The following DOCK9 variants were observed in gnomAD, a reference collection of about 807,000 sequenced individuals.
DOCK9 encodes dedicator of cytokinesis protein 9.
DOCK9 carries 89 observed loss-of-function variants against 263.3 expected under a neutral mutation model. The observed-to-expected ratio is 0.34, with a 90% CI of 0.28 to 0.40. DOCK9 has a LOEUF of 0.40. Among genes scored for constraint, DOCK9 ranks in the 10% least tolerant of loss-of-function variants. The pLI is 1.00. For synonymous variants in DOCK9, 976 were observed against 973.1 expected, an observed-to-expected ratio of 1.00 and a Z score of -0.06; for missense variants, 2,140 against 2,603.4, an observed-to-expected ratio of 0.82 and a Z score of 3.87.
At chr13:98,799,257 C>A (rs187763240) in intron 50 of DOCK9, among the ~76,000 whole-genome samples, 2 of 152,224 alleles carry the variant, frequency 1.3e-5, no homozygotes, top group Non-Finnish European at 2.9e-5. Flanking sequence ...ACCAAAAAAA[C>A]CAAAACCTAT....
At chr13:99,010,747 C>A (rs946599339) in intron 1 of DOCK9, among the ~76,000 whole-genome samples, 2 of 152,216 alleles carry the variant, frequency 1.3e-5, no homozygotes, top group South Asian at 4.1e-4. Context: ...CACCATATGG[C>A]TGATTCACTG....
At chr13:99,001,946 A>G (rs1437961420) in intron 1 of DOCK9, among the ~76,000 whole-genome samples, 1 of 152,194 alleles carries the variant, frequency 6.6e-6, no homozygotes, top group Non-Finnish European at 1.5e-5. Context: ...ACTCAAACTT[A>G]GCAAGACCAA....
intron 45 of DOCK9, among the ~76,000 whole-genome samples, chr13:98,812,265 C>T (rs2091381935): frequency 6.7e-6 from 1 of 148,536 alleles, no homozygotes; most frequent in African/African-American, 2.5e-5. Flanking sequence ...CTGCCAAGCA[C>T]CTTAGAAAAA....
In DOCK9 at chr13:98,825,384, G is replaced by A. The variant is rs180974971; in HGVS notation, c.5024-880C>T. On this transcript the variant is annotated intron_variant, in intron 44 of 52. Transcript: ENST00000682017. The surrounding 1 kb of genome is among the most constrained non-coding windows in gnomAD (Gnocchi z 4.1). ...GAATTGAGACTTCTACATTTAGGGA[G>A]AAAGAGGAACACAGGGTATTCTGAA... Among the ~76,000 whole-genome samples the A allele has an allele frequency of 6.1e-4, 93 of 152,322 alleles. No individual in the cohort carries two copies. Among genetic ancestry groups the A allele is most frequent in the Middle Eastern group, 6.8e-3 (2 of 294 alleles).
intron 4 of DOCK9, 141 bp from the exon 5 acceptor site, chr13:98,923,512 A>T: frequency 1.5e-6 from 1 of 679,034 alleles, no homozygotes; most frequent in Non-Finnish European, 2.5e-6. Flanking sequence ...GAATAAAACC[A>T]TCTATGCCCT....
intron 9 of DOCK9, among the ~76,000 whole-genome samples, chr13:98,905,572 T>A (rs1004056123): frequency 7.3e-5 from 11 of 151,610 alleles, no homozygotes; most frequent in African/African-American, 2.7e-4. Flanking sequence ...TCATCATAAC[T>A]GAAAGGCAGG....
intron 39 of DOCK9, among the ~76,000 whole-genome samples, chr13:98,836,553 G>A (rs1045901895): frequency 2.0e-5 from 3 of 152,080 alleles, no homozygotes; most frequent in African/African-American, 7.2e-5. Context: ...CACTCTGAGA[G>A]CCCCTGTAGT....
chr13:98,794,387 C>A lies in DOCK9; in HGVS notation c.*239G>T. 1 of 537,128 alleles carries A rather than the reference C, an allele frequency of 1.9e-6. No homozygotes were observed. Among genetic ancestry groups the A allele is most frequent in the Non-Finnish European group, 3.3e-6 (1 of 307,146 alleles). The allele number at this position is 537,128 out of a possible 1,614,324, so 33.3% of individuals were successfully genotyped here. A position where few individuals can be genotyped will look rare whatever the true frequency, so the allele number is the denominator to read the frequency against. ...AAGTCCAGCTCAAGAGTGTCTACCACACCTTTGTTAAGACACAATGAAAAC... is the reference window on the plus strand; with the variant it reads ...AAGTCCAGCTCAAGAGTGTCTACCAAACCTTTGTTAAGACACAATGAAAAC... On this transcript the variant is annotated 3_prime_UTR_variant, in exon 53 of 53. Coordinates refer to ENST00000682017, the MANE Select transcript of DOCK9 (RefSeq NM_001366683.2).
At chr13:98,870,327 C>T (rs890794985) in intron 27 of DOCK9, among the ~76,000 whole-genome samples, 25 of 152,128 alleles carry the variant, frequency 1.6e-4, no homozygotes, top group African/African-American at 6.0e-4. Flanking sequence ...GTGAAGCTCA[C>T]CAACTTTAAA....
intron 25 of DOCK9, among the ~76,000 whole-genome samples, chr13:98,881,219 T>C (rs1418343879): frequency 6.6e-6 from 1 of 151,742 alleles, no homozygotes; most frequent in Non-Finnish European, 1.5e-5. Flanking sequence ...CTGGAAAGTT[T>C]AGATGGAAAG....
intron 3 of DOCK9, among the ~76,000 whole-genome samples, chr13:98,928,124 C>G (rs2053335544): frequency 1.3e-5 from 2 of 151,938 alleles, no homozygotes; most frequent in Admixed American, 1.3e-4. Flanking sequence ...AATTCCAAAG[C>G]AGAAGCACAG....
At chr13:98,918,937 A>G (rs1175177068) in intron 7 of DOCK9, among the ~76,000 whole-genome samples, 29 of 152,146 alleles carry the variant, frequency 1.9e-4, no homozygotes, top group Non-Finnish European at 4.4e-5. Context: ...GGGTGCCAGG[A>G]GCTAAAATCC....
chr13:98,882,137 T>C, intron 23 of DOCK9, 130 bp from the exon 24 acceptor site: 2 of 760,020 alleles, frequency 2.6e-6, no homozygotes, highest in East Asian at 2.7e-5. Context: ...GTGGGCAGAA[T>C]GTCCCCAGAG....
At chr13:99,015,487 C>T in intron 1 of DOCK9, 1 of 1,597,120 alleles carries the variant, frequency 6.3e-7, no homozygotes, top group Non-Finnish European at 8.5e-7. Flanking sequence ...TTCTTTTGTC[C>T]AATTGTATGC....
intron 37 of DOCK9, 61 bp from the exon 38 acceptor site, chr13:98,846,121 G>T (rs1224498927): frequency 6.5e-7 from 1 of 1,531,182 alleles, no homozygotes. Context: ...GCAGCGAGAC[G>T]GGGAGTGTTA....
intron 1 of DOCK9, among the ~76,000 whole-genome samples, chr13:99,027,409 G>T (rs981261217): frequency 6.6e-6 from 1 of 152,128 alleles, no homozygotes; most frequent in Non-Finnish European, 1.5e-5. Context: ...AAGGAAACAA[G>T]ATTTTGACAG....
intron 27 of DOCK9, chr13:98,871,750 G>A (rs772352752): frequency 2.0e-5 from 3 of 152,382 alleles, no homozygotes; most frequent in African/African-American, 4.8e-5. Context: ...CGTGTGCTGC[G>A]CTGCACTGCA....
chr13:99,076,912 A>G (rs1459399519), intron 1 of DOCK9, among the ~76,000 whole-genome samples: 1 of 152,204 alleles, frequency 6.6e-6, no homozygotes, highest in Non-Finnish European at 1.5e-5. Context: ...CAGGCAGTGC[A>G]TGCTTTAGTT....
intron 45 of DOCK9, among the ~76,000 whole-genome samples, chr13:98,816,926 T>G (rs774534750): frequency 2.6e-5 from 4 of 152,096 alleles, no homozygotes; most frequent in African/African-American, 9.7e-5. Context: ...TTCACTGAAC[T>G]GGCACACTCG....
Sources: allele counts gnomAD v4.1 joint callset (sites outside exome capture counted in the v4.1 genomes callset), GRCh38; gene constraint gnomAD v4.1.1; non-coding constraint Gnocchi (gnomAD v3.1); transcripts MANE v1.5; gene names NCBI Gene and HGNC (gene_info 2026-07-23, HGNC 2026-07-21).